AKAP8L: variants seen among roughly 807,000 people sequenced by gnomAD.
AKAP8L encodes the protein A-kinase anchoring protein 8 like.
Under a neutral mutation model 77.5 loss-of-function variants are expected in AKAP8L, and 34 were observed. That is an observed-to-expected ratio of 0.44 (90% CI 0.33 to 0.58). The LOEUF is 0.58. Ranked by LOEUF, AKAP8L falls within the 20% of genes least tolerant of loss-of-function variation. The pLI, the probability that AKAP8L is intolerant of heterozygous loss-of-function variation, is 0.02. For missense variants in AKAP8L, 806 were observed against 887.6 expected, an observed-to-expected ratio of 0.91 and a Z score of 1.17; for synonymous variants, 342 against 340.7, an observed-to-expected ratio of 1.00 and a Z score of -0.04.
rs376232500 is a variant in AKAP8L, at chr19:15,400,982, C to T, written c.878G>A (p.Arg293His). 8.1e-6 allele frequency: 13 copies of T among 1,613,854 alleles called. No homozygotes were observed. Among genetic ancestry groups the T allele is most frequent in the Admixed American group, 1.7e-5 (1 of 59,996 alleles). Reference protein sequence around the residue: ...SPDEPDSKATRTDCSDNSDSD... With the variant: ...SPDEPDSKATHTDCSDNSDSD... ...GTCGCTGTTGTCCGAGCAGTCCGTG[C>T]GGGTGGCTTTGCTATCTGGCTCATC... is the stretch of plus-strand genomic sequence containing the variant. The change falls in exon 6 of 14, where the codon CGC becomes CAC. Residue 293 changes from arginine (R) to histidine (H), a missense_variant. Physicochemically the swap from Arg to His is conservative, Grantham distance 29 (BLOSUM62 0). Transcript: ENST00000397410.
Position 15,398,106 on chromosome 19 carries a change from G to A in AKAP8L, c.1158-251C>T, listed in dbSNP as rs915995253. On this transcript the variant is annotated intron_variant, in intron 9 of 13. Coordinates refer to ENST00000397410, the MANE Select transcript of AKAP8L (RefSeq NM_014371.4). This position sits in a 1 kb window ranked among gnomAD's most constrained non-coding sequence, Gnocchi z 9.2. The stretch of plus-strand genomic sequence containing the variant: ...TCCTTCCCACAGGCAGGAGGCTGAA[G>A]CCTGAGACAGCAGCTGCTGCAACAG... The A allele has an allele frequency of 3.9e-6, 2 of 514,486 alleles. No individual in the cohort carries two copies. The highest frequency in any genetic ancestry group is 3.5e-6 in the Non-Finnish European group (1 of 285,548). 31.9% of individuals were successfully genotyped at this position (514,486 alleles called of 1,614,324 possible).
chr19:15,383,996 G>A (rs1334893435), intron 12 of AKAP8L, among the ~76,000 whole-genome samples: 1 of 126,614 alleles, frequency 7.9e-6, no homozygotes, highest in Non-Finnish European at 1.6e-5. Flanking sequence ...GCAGTGGCAT[G>A]ATCTCAGCTC....
At position 15,418,934 on chromosome 19, in the gene AKAP8L, A is replaced by G; in HGVS notation, c.-11T>C. The stretch of plus-strand genomic sequence containing the variant: ...ACCTGTGTAGCTCATGGTGGCGGGC[A>G]ACACAACATCCGACGACGCCGGCTT... On this transcript the variant is annotated 5_prime_UTR_variant, in exon 1 of 14. Transcript: ENST00000397410. 6.2e-7 allele frequency: 1 copy of G among 1,603,678 alleles called. No individual in the cohort carries two copies. Among genetic ancestry groups the G allele is most frequent in the Non-Finnish European group, 8.5e-7 (1 of 1,178,918 alleles).
chr19:15,410,850 C>T (rs1968093663), intron 1 of AKAP8L, among the ~76,000 whole-genome samples: 1 of 152,204 alleles, frequency 6.6e-6, no homozygotes, highest in Non-Finnish European at 1.5e-5. Flanking sequence ...AGGTCTCACT[C>T]TGTCCGGGCT....
chr19:15,416,841 A>G (rs1431493036), intron 1 of AKAP8L, among the ~76,000 whole-genome samples: 1 of 152,206 alleles, frequency 6.6e-6, no homozygotes, highest in East Asian at 1.9e-4. Flanking sequence ...GCGAGTTAAT[A>G]AAAAGATTTA....
chr19:15,382,752 C>T (rs1190888383), intron 12 of AKAP8L, among the ~76,000 whole-genome samples: 23 of 152,144 alleles, frequency 1.5e-4, no homozygotes. Flanking sequence ...GAGGATTGCT[C>T]AAGTTCAGGA....
chr19:15,398,139 G>T lies in AKAP8L; in HGVS notation c.1158-284C>A. 2.2e-6 allele frequency: 1 copy of T among 462,330 alleles called. No individual in the cohort carries two copies. Among genetic ancestry groups the T allele is most frequent in the Non-Finnish European group, 4.0e-6 (1 of 252,060 alleles). 28.6% of individuals were successfully genotyped at this position (462,330 alleles called of 1,614,324 possible). ...CAGCAGCTGCTGCAACAGGCAACGAGTCGCTGGAAAGTTGCTGGAGGGCCT... is the reference window on the plus strand; with the variant it reads ...CAGCAGCTGCTGCAACAGGCAACGATTCGCTGGAAAGTTGCTGGAGGGCCT... On this transcript the variant is annotated intron_variant, in intron 9 of 13. Coordinates refer to ENST00000397410, the MANE Select transcript of AKAP8L (RefSeq NM_014371.4). The surrounding 1 kb of genome is among the most constrained non-coding windows in gnomAD (Gnocchi z 9.2).
intron 1 of AKAP8L, among the ~76,000 whole-genome samples, chr19:15,415,662 G>A (rs538205992): frequency 1.4e-4 from 21 of 152,114 alleles, no homozygotes; most frequent in Admixed American, 3.9e-4. Flanking sequence ...CAGGGAGGGC[G>A]GATCACAAGG....
At position 15,398,212 on chromosome 19, in the gene AKAP8L, C is replaced by T; in HGVS notation, c.1158-357G>A. ...CGTGTGCACTTGGCCCAGGTGGGGA[C>T]CGGAAGGAAGGATGCCCTGGCGTGA... On this transcript the variant is annotated intron_variant, in intron 9 of 13. Coordinates refer to ENST00000397410, the MANE Select transcript of AKAP8L (RefSeq NM_014371.4). This position sits in a 1 kb window ranked among gnomAD's most constrained non-coding sequence, Gnocchi z 9.2. 3.2e-6 allele frequency: 1 copy of T among 312,928 alleles called. No individual in the cohort carries two copies. The highest frequency in any genetic ancestry group is 6.1e-6 in the Non-Finnish European group (1 of 163,192). 19.4% of individuals were successfully genotyped at this position (312,928 alleles called of 1,614,324 possible).
intron 1 of AKAP8L, among the ~76,000 whole-genome samples, chr19:15,415,388 T>C (rs879728809): frequency 2.5e-4 from 38 of 151,980 alleles, no homozygotes; most frequent in Non-Finnish European, 1.0e-4. Flanking sequence ...AGCTATGATT[T>C]TGTGCCACTG....
chr19:15,417,140 C>A (rs900027917), intron 1 of AKAP8L, among the ~76,000 whole-genome samples: 4 of 152,094 alleles, frequency 2.6e-5, no homozygotes, highest in African/African-American at 9.7e-5. Context: ...TCATTAGTGA[C>A]CTTGTATCTC....
intron 12 of AKAP8L, among the ~76,000 whole-genome samples, chr19:15,390,011 G>A (rs529063621): frequency 1.3e-5 from 2 of 151,112 alleles, no homozygotes; most frequent in South Asian, 4.2e-4. Context: ...TCAAAAAAGG[G>A]AACTCTGTAG....
At chr19:15,387,889 G>T (rs907032087) in intron 12 of AKAP8L, among the ~76,000 whole-genome samples, 2 of 152,006 alleles carry the variant, frequency 1.3e-5, no homozygotes, top group Non-Finnish European at 2.9e-5. Context: ...AACCTGAGAG[G>T]TGGAGGTTGC....
chr19:15,418,788 T>C (rs1968268611), intron 1 of AKAP8L, 123 bp downstream of exon 1: 15 of 972,644 alleles, frequency 1.5e-5, no homozygotes, highest in Admixed American at 2.2e-5. Flanking sequence ...AGCGGCGCCA[T>C]TTTGTGACCG....
intron 4 of AKAP8L, among the ~76,000 whole-genome samples, chr19:15,402,851 T>G (rs1413931232): frequency 6.6e-6 from 1 of 152,212 alleles, no homozygotes; most frequent in Non-Finnish European, 1.5e-5. Context: ...GTAGGGCAGA[T>G]CTGGTAGGCG....
chr19:15,418,160 G>C (rs1369257385), intron 1 of AKAP8L, among the ~76,000 whole-genome samples: 1 of 152,158 alleles, frequency 6.6e-6, no homozygotes, highest in African/African-American at 2.4e-5. Context: ...AGCGACCCCC[G>C]CACGGTACTG....
chr19:15,402,244 T>A (rs1417045470), intron 4 of AKAP8L, among the ~76,000 whole-genome samples: 2 of 152,038 alleles, frequency 1.3e-5, no homozygotes, highest in Non-Finnish European at 2.9e-5. Context: ...ATATACCCTG[T>A]ATTGCAACTG....
At chr19:15,393,282 C>T (rs1207383188) in intron 12 of AKAP8L, among the ~76,000 whole-genome samples, 2 of 152,020 alleles carry the variant, frequency 1.3e-5, no homozygotes, top group Non-Finnish European at 2.9e-5. Context: ...TTGGATTTAT[C>T]AATAGATTCT....
intron 1 of AKAP8L, among the ~76,000 whole-genome samples, chr19:15,416,621 T>C (rs4808303): frequency 0.81 from 123,295 of 152,180 alleles, 50,443 homozygotes; most frequent in East Asian, 0.99. Context: ...AACCACCCAG[T>C]GAAATCACCT....
Sources: allele counts gnomAD v4.1 joint callset (sites outside exome capture counted in the v4.1 genomes callset), GRCh38; gene constraint gnomAD v4.1.1; non-coding constraint Gnocchi (gnomAD v3.1); transcripts MANE v1.5; gene names NCBI Gene and HGNC (gene_info 2026-07-23, HGNC 2026-07-21).